TMEM132D: variants seen among roughly 807,000 people sequenced by gnomAD.
The protein encoded by TMEM132D is mature OL transmembrane protein.
A neutral mutation model predicts 62.3 loss-of-function variants in TMEM132D; 21 were observed. The ratio of observed to expected loss-of-function variants is 0.34; its 90% CI spans 0.24 to 0.49. The LOEUF (loss-of-function observed/expected upper bound fraction) is 0.49. Ranked by LOEUF, TMEM132D falls within the 20% of genes least tolerant of loss-of-function variation. The probability of loss-of-function intolerance (pLI) is 0.99; values close to 1 mark genes in which losing one functional copy is unlikely to be tolerated. For missense variants in TMEM132D, 1,346 were observed against 1,402.8 expected (o/e 0.96, Z 0.65); for synonymous variants, 621 against 575.6 (o/e 1.08, Z -1.13).
intron 3 of TMEM132D, among the ~76,000 whole-genome samples, chr12:129,468,662 T>G (rs1327583982): frequency 2.0e-5 from 3 of 152,222 alleles, no homozygotes; most frequent in Non-Finnish European, 4.4e-5. Flanking sequence ...CCCAGTTTTA[T>G]CTCAGTGATT....
At chr12:129,113,640 G>A (rs1238059968) in intron 5 of TMEM132D, among the ~76,000 whole-genome samples, 4 of 152,180 alleles carry the variant, frequency 2.6e-5, no homozygotes, top group Non-Finnish European at 4.4e-5. Flanking sequence ...AGAGTTTGTA[G>A]CTGTAGACCC....
At chr12:129,656,210 TAGGAAGGG>T (rs1593107709) in intron 2 of TMEM132D, among the ~76,000 whole-genome samples, 1 of 144,220 alleles carries the variant, frequency 6.9e-6, no homozygotes, top group Non-Finnish European at 1.5e-5. Context: ...AGAAGGAAGA[TAGGAAGGG>T]AGGAAGGGAG....
intron 3 of TMEM132D, among the ~76,000 whole-genome samples, chr12:129,343,139 C>T (rs1402813993): frequency 3.3e-5 from 5 of 152,044 alleles, no homozygotes; most frequent in Admixed American, 2.6e-4. Context: ...ATGTTTATTG[C>T]GGCACTATTC....
At chr12:129,261,831 T>G (rs1456588681) in intron 4 of TMEM132D, among the ~76,000 whole-genome samples, 1 of 152,204 alleles carries the variant, frequency 6.6e-6, no homozygotes, top group Non-Finnish European at 1.5e-5. Context: ...ATTACCTCAT[T>G]AAAGTCCCTA....
intron 3 of TMEM132D, among the ~76,000 whole-genome samples, chr12:129,495,387 C>G (rs543112379): frequency 1.3e-5 from 2 of 152,258 alleles, no homozygotes; most frequent in Admixed American, 6.5e-5. Context: ...GTCACTCAGA[C>G]AGAAGGGGGA....
chr12:129,728,048 T>C (rs1426520407), intron 1 of TMEM132D, among the ~76,000 whole-genome samples: 1 of 152,202 alleles, frequency 6.6e-6, no homozygotes, highest in Non-Finnish European at 1.5e-5. Flanking sequence ...CATCTCTTTG[T>C]ATTGCATGTT....
At chr12:129,314,054 AT>A (rs997001548) in intron 4 of TMEM132D, among the ~76,000 whole-genome samples, 3 of 151,446 alleles carry the variant, frequency 2.0e-5, no homozygotes, top group African/African-American at 2.4e-5. Flanking sequence ...TTTTAATGGG[AT>A]TTTTTTTCTT....
At chr12:129,795,763 A>G (rs1236343283) in intron 1 of TMEM132D, among the ~76,000 whole-genome samples, 2 of 152,202 alleles carry the variant, frequency 1.3e-5, no homozygotes, top group African/African-American at 4.8e-5. Context: ...ACGTTTCTTA[A>G]TATGACATCA....
intron 2 of TMEM132D, among the ~76,000 whole-genome samples, chr12:129,558,814 C>G (rs1877133628): frequency 6.6e-6 from 1 of 152,200 alleles, no homozygotes; most frequent in East Asian, 1.9e-4. Context: ...AGCCTCAACT[C>G]AATCCCTACA....
intron 3 of TMEM132D, among the ~76,000 whole-genome samples, chr12:129,345,007 CCTTTG>C (rs1371332205): frequency 2.6e-5 from 4 of 152,032 alleles, no homozygotes; most frequent in African/African-American, 9.7e-5. Context: ...GGGACTCTTC[CCTTTG>C]CTTTTTGTTT....
At chr12:129,145,938 C>T (rs755178583) in intron 5 of TMEM132D, among the ~76,000 whole-genome samples, 23 of 152,102 alleles carry the variant, frequency 1.5e-4, no homozygotes, top group Admixed American at 5.2e-4. Context: ...TGGCTTCAAG[C>T]GACTAAAAGC....
chr12:129,123,371 C>A (rs903760588), intron 5 of TMEM132D, among the ~76,000 whole-genome samples: 1 of 151,726 alleles, frequency 6.6e-6, no homozygotes, highest in Non-Finnish European at 1.5e-5. Context: ...ATTCCGTGTA[C>A]ATAATTTTGT....
At chr12:129,817,265 T>C (rs1391507286) in intron 1 of TMEM132D, among the ~76,000 whole-genome samples, 1 of 152,186 alleles carries the variant, frequency 6.6e-6, no homozygotes, top group African/African-American at 2.4e-5. Flanking sequence ...AGTGGGCTTT[T>C]CCGTAGCTGT....
Position 129,075,047 on chromosome 12 carries a change from T to G in TMEM132D, c.2128A>C (p.Ser710Arg). ...LQRPKQEAAI[S>R]CWVQFSDGSV... ...CCATCACTGAACTGGACCCAGCAACTGATGGCTGCTTCCTATGGAGAAAAA... is the reference window on the plus strand; with the variant it reads ...CCATCACTGAACTGGACCCAGCAACGGATGGCTGCTTCCTATGGAGAAAAA... The change falls in exon 9 of 9, where the codon AGT becomes CGT. Residue 710 changes from serine (S) to arginine (R), a missense_variant. Physicochemically the swap from Ser to Arg is moderately radical, Grantham distance 110. Coordinates refer to ENST00000422113, the MANE Select transcript of TMEM132D (RefSeq NM_133448.3). 1 of 1,605,194 alleles carries G rather than the reference T, an allele frequency of 6.2e-7. No individual in the cohort carries two copies. The highest frequency in any genetic ancestry group is 8.5e-7 in the Non-Finnish European group (1 of 1,177,268).
At chr12:129,107,233 T>C (rs1184297486) in intron 5 of TMEM132D, among the ~76,000 whole-genome samples, 1 of 152,330 alleles carries the variant, frequency 6.6e-6, no homozygotes, top group East Asian at 1.9e-4. Context: ...TGGTTCTCAG[T>C]CCTATCAGAT....
chr12:129,095,111 A>G lies in TMEM132D; in HGVS notation c.1444-10409T>C, dbSNP rs368705718. On this transcript the variant is annotated intron_variant, in intron 5 of 8. Coordinates refer to ENST00000422113, the MANE Select transcript of TMEM132D (RefSeq NM_133448.3). The stretch of plus-strand genomic sequence containing the variant: ...GAAGAGTTAATGGGTGCAGCCCACC[A>G]ACATGGCGCATGTATACATATGTAA... 5.3e-5 allele frequency among the ~76,000 whole-genome samples: 8 copies of G among 152,176 alleles called. No homozygotes were observed. The South Asian group carries it at 1.7e-3, about 32-fold the overall frequency.
chr12:129,877,573 T>C (rs1874459310), intron 1 of TMEM132D, among the ~76,000 whole-genome samples: 2 of 151,882 alleles, frequency 1.3e-5, no homozygotes, highest in South Asian at 2.1e-4. Context: ...AATTTGAGAA[T>C]AGCGGCTTAA....
At chr12:129,078,439 T>C (rs1874348125) in intron 8 of TMEM132D, 95 bp downstream of exon 8, 1 of 1,277,270 alleles carries the variant, frequency 7.8e-7, no homozygotes, top group Non-Finnish European at 1.1e-6. Flanking sequence ...ATGATCCCAC[T>C]CTATTGTGCG....
chr12:129,336,020 C>T (rs1269030744), intron 4 of TMEM132D, among the ~76,000 whole-genome samples: 1 of 152,172 alleles, frequency 6.6e-6, no homozygotes, highest in African/African-American at 2.4e-5. Context: ...ATCCATGCAC[C>T]TGACTGCTGA....
Sources: gnomAD v4.1 joint callset for allele counts (sites outside exome capture counted in the v4.1 genomes callset) on GRCh38, gnomAD v4.1.1 for gene constraint, MANE v1.5 for transcripts, NCBI Gene and HGNC (gene_info 2026-07-23, HGNC 2026-07-21) for gene names.